The following TTF1 variants were observed in gnomAD, a reference collection of about 807,000 sequenced individuals.
The protein encoded by TTF1 is transcription termination factor, RNA polymerase I.
In TTF1, 64 loss-of-function variants were observed where a neutral mutation model predicts 80.2. The observed-to-expected ratio is 0.80, with a 90% CI of 0.65 to 0.98. TTF1 has a LOEUF of 0.98. Among genes scored for constraint, TTF1 ranks in the 50% least tolerant of loss-of-function variants. The probability of loss-of-function intolerance (pLI) is 0.00; values close to 1 mark genes in which losing one functional copy is unlikely to be tolerated. For missense variants in TTF1, 1,023 were observed against 1,086.2 expected (o/e 0.94, Z 0.82); for synonymous variants, 372 against 382.7 (o/e 0.97, Z 0.33).
intron 6 of TTF1, 26 bp from the exon 7 acceptor site, chr9:132,390,857 T>C (rs1849548224): frequency 3.1e-6 from 5 of 1,593,806 alleles, no homozygotes; most frequent in African/African-American, 2.7e-5. Flanking sequence ...GATGGTCTTA[T>C]AGTAGCTAGT....
chr9:132,402,178 T>A lies in TTF1; in HGVS notation c.644A>T (p.His215Leu). 7 of 1,614,196 alleles carry A rather than the reference T, an allele frequency of 4.3e-6. No individual in the cohort carries two copies. The highest frequency in any genetic ancestry group is 5.9e-6 in the Non-Finnish European group (7 of 1,180,028). Residue 215 changes from histidine (H) to leucine (L), a missense_variant, in exon 2 of 11, where the codon CAT becomes CTT. Physicochemically the swap from His to Leu is moderately conservative, Grantham distance 99. Coordinates refer to ENST00000334270, the MANE Select transcript of TTF1 (RefSeq NM_007344.4). ...GEITELPASA[H>L]KNKSKKKKKK... ...CTTTTTTTTCTTAGACTTGTTTTTA[T>A]GAGCAGATGCTGGTAGTTCTGTAAT...
At chr9:132,402,894 C>CG (rs1266339399) in intron 1 of TTF1, 66 bp from the exon 2 acceptor site, 45 of 1,467,088 alleles carry the variant, frequency 3.1e-5, no homozygotes, top group Non-Finnish European at 3.8e-5. Flanking sequence ...CTCACTCTGT[C>CG]GCCCAGGCTG....
At chr9:132,406,606 A>T (rs904308649) in intron 1 of TTF1, among the ~76,000 whole-genome samples, 184 bp downstream of exon 1, 6 of 139,830 alleles carry the variant, frequency 4.3e-5, no homozygotes, top group Non-Finnish European at 4.6e-5. Flanking sequence ...CCATCTTTAA[A>T]AAAAAAAAAA....
At chr9:132,399,707 T>C (rs1849724018) in intron 3 of TTF1, among the ~76,000 whole-genome samples, 1 of 152,226 alleles carries the variant, frequency 6.6e-6, no homozygotes, top group Non-Finnish European at 1.5e-5. Flanking sequence ...TTTGACAGCA[T>C]TTTAATTTTA....
At chr9:132,377,663 G>A (rs1475525039) in intron 10 of TTF1, among the ~76,000 whole-genome samples, 7 of 123,058 alleles carry the variant, frequency 5.7e-5, no homozygotes, top group African/African-American at 9.3e-5. Flanking sequence ...GTGTGTGTGA[G>A]TGCATGTGGT....
intron 9 of TTF1, among the ~76,000 whole-genome samples, chr9:132,379,696 C>T (rs975315124): frequency 6.6e-6 from 1 of 152,210 alleles, no homozygotes; most frequent in Non-Finnish European, 1.5e-5. Context: ...AGGACACATA[C>T]ATATTGGTCA....
chr9:132,383,847 C>T (rs1222873355), intron 9 of TTF1, among the ~76,000 whole-genome samples: 3 of 152,104 alleles, frequency 2.0e-5, no homozygotes, highest in African/African-American at 7.2e-5. Context: ...GCCCCACCAC[C>T]GAGGGGCTTT....
At chr9:132,394,882 G>C (rs1263579848) in intron 5 of TTF1, among the ~76,000 whole-genome samples, 1 of 147,858 alleles carries the variant, frequency 6.8e-6, no homozygotes, top group Non-Finnish European at 1.5e-5. Flanking sequence ...GACAGAGGGA[G>C]ACCCTGTTCC....
In TTF1 at chr9:132,402,528, C is replaced by G; in HGVS notation, c.294G>C (p.Glu98Asp). ...KRRYSALEVD[E>D]EAGVTVVLVD... ...CAAGGACAACTGTAACACCTGCTTC[C>G]TCGTCCACCTCCAAAGCACTATATC... Residue 98 changes from glutamate (E) to aspartate (D), a missense_variant, in exon 2 of 11, where the codon GAG becomes GAC. Physicochemically the swap from Glu to Asp is conservative, Grantham distance 45. Transcript: ENST00000334270. 2.5e-6 allele frequency: 4 copies of G among 1,614,218 alleles called. No homozygotes were observed. Among genetic ancestry groups the G allele is most frequent in the Non-Finnish European group, 3.4e-6 (4 of 1,180,040 alleles).
chr9:132,405,267 C>T (rs1256840719), intron 1 of TTF1, among the ~76,000 whole-genome samples: 3 of 149,068 alleles, frequency 2.0e-5, no homozygotes, highest in African/African-American at 7.4e-5. Flanking sequence ...TGCAGTGGCA[C>T]GATCTCGGCT....
In TTF1 at chr9:132,401,468, G is replaced by C; in HGVS notation, c.1354C>G (p.Gln452Glu). The change falls in exon 2 of 11, where the codon CAA becomes GAA. Residue 452 changes from glutamine to glutamate, a missense_variant. Gln to Glu is a conservative substitution (Grantham distance 29). Transcript: ENST00000334270. ...TQACLASKHVQEAPRLEPANE... is the reference protein window; with the variant it reads ...TQACLASKHVEEAPRLEPANE... ...CTCCCTCGTTACCTTGGCGCCTCTTGCACGTGCTTGCTTGCCAAACAGGCC... is the reference window on the plus strand; with the variant it reads ...CTCCCTCGTTACCTTGGCGCCTCTTCCACGTGCTTGCTTGCCAAACAGGCC... 1 of 1,610,486 alleles carries C rather than the reference G, an allele frequency of 6.2e-7. No homozygotes were observed.
In TTF1 at chr9:132,396,481, A is replaced by G. The variant is rs149329370; in HGVS notation, c.1808T>C (p.Ile603Thr). The change falls in exon 5 of 11, where the codon ATA becomes ACA. Residue 603 changes from isoleucine (I) to threonine (T), a missense_variant. Physicochemically the swap from Ile to Thr is moderately conservative, Grantham distance 89. Coordinates refer to ENST00000334270, the MANE Select transcript of TTF1 (RefSeq NM_007344.4). ...GAACATCTTCTTTGCTCGATAGTAT[A>G]TAAGTTTCCAGGGCCGGGCAATGTT... ...GRNIARPWKL[I>T]YYRAKKMFDV... 3.2e-4 allele frequency: 515 copies of G among 1,614,196 alleles called. 1 individual carries two copies. The highest frequency in any genetic ancestry group is 4.9e-4 in the Middle Eastern group (3 of 6,062).
In TTF1 at chr9:132,375,737, C is replaced by T. The variant is rs562661518; in HGVS notation, c.*178G>A. On this transcript the variant is annotated 3_prime_UTR_variant, in exon 11 of 11. Transcript: ENST00000334270. Reference sequence around the variant, plus strand: ...GAAATAGTAATCTCTCTCTCTCATGCGGTGGTGCGATCTTGGCTCACTGCA... The same window carrying T: ...GAAATAGTAATCTCTCTCTCTCATGTGGTGGTGCGATCTTGGCTCACTGCA... The T allele has an allele frequency of 9.9e-5, 55 of 555,664 alleles. No homozygotes were observed. Among genetic ancestry groups the T allele is most frequent in the African/African-American group, 8.1e-4 (43 of 53,066 alleles). The allele number at this position is 555,664 out of a possible 1,614,324, so 34.4% of individuals were successfully genotyped here. A position where few individuals can be genotyped will look rare whatever the true frequency, so the allele number is the denominator to read the frequency against.
chr9:132,390,526 C>G (rs920518061), intron 7 of TTF1, 71 bp downstream of exon 7: 13 of 1,469,708 alleles, frequency 8.8e-6, no homozygotes, highest in Non-Finnish European at 1.1e-5. Flanking sequence ...GGCAGTTACA[C>G]AGATATTCTT....
At chr9:132,381,722 C>G (rs1849375191) in intron 9 of TTF1, among the ~76,000 whole-genome samples, 1 of 152,116 alleles carries the variant, frequency 6.6e-6, no homozygotes, top group East Asian at 1.9e-4. Flanking sequence ...CTGGCAGGGC[C>G]TGGACTAAGA....
intron 7 of TTF1, among the ~76,000 whole-genome samples, chr9:132,389,899 A>G (rs1849531144): frequency 1.3e-5 from 2 of 152,248 alleles, no homozygotes; most frequent in African/African-American, 4.8e-5. Flanking sequence ...AAAGCACATT[A>G]GAAGGGTGGA....
chr9:132,378,660 C>T (rs1248757965), intron 10 of TTF1, among the ~76,000 whole-genome samples: 2 of 93,890 alleles, frequency 2.1e-5, no homozygotes, highest in South Asian at 3.6e-4. Context: ...TGAGTGCATA[C>T]GTGTGTGAGT....
intron 1 of TTF1, among the ~76,000 whole-genome samples, chr9:132,403,478 T>A (rs780054038): frequency 4.0e-5 from 6 of 151,604 alleles, no homozygotes; most frequent in Non-Finnish European, 8.8e-5. Context: ...CCCCCCCAGC[T>A]CTCCATGAAA....
At chr9:132,388,098 G>A in intron 8 of TTF1, 41 bp downstream of exon 8, 4 of 1,496,492 alleles carry the variant, frequency 2.7e-6, no homozygotes, top group South Asian at 1.2e-5. Context: ...TTTGGCTAGA[G>A]ACAGAAACAG....
Sources: allele counts gnomAD v4.1 joint callset (sites outside exome capture counted in the v4.1 genomes callset), GRCh38; gene constraint gnomAD v4.1.1; transcripts MANE v1.5; gene names NCBI Gene and HGNC (gene_info 2026-07-23, HGNC 2026-07-21).